ZNF91: variants seen among roughly 807,000 people sequenced by gnomAD.
ZNF91 encodes zinc finger protein 91 (HPF7, HTF10).
In ZNF91, 7 loss-of-function variants were observed where a neutral mutation model predicts 12.6. The ratio of observed to expected loss-of-function variants is 0.55; its 90% confidence interval spans 0.31 to 1.04. ZNF91 has a LOEUF of 1.04. Ranked by LOEUF, ZNF91 falls within the 50% of genes least tolerant of loss-of-function variation. ZNF91 has a pLI of 0.05. For synonymous variants in ZNF91, 453 were observed against 462.6 expected, an observed-to-expected ratio of 0.98 and a Z score of 0.27; for missense variants, 1,217 against 1,385.4, an observed-to-expected ratio of 0.88 and a Z score of 1.93.
At chr19:23,393,470 C>T (rs1411039128) in intron 1 of ZNF91, among the ~76,000 whole-genome samples, 1 of 151,838 alleles carries the variant, frequency 6.6e-6, no homozygotes, top group Non-Finnish European at 1.5e-5. Context: ...AATCTAGGTC[C>T]AAGAAAAAAC....
At chr19:23,393,834 T>C (rs1194544504) in intron 1 of ZNF91, among the ~76,000 whole-genome samples, 1 of 152,014 alleles carries the variant, frequency 6.6e-6, no homozygotes, top group Non-Finnish European at 1.5e-5. Context: ...ACCCTGTCTG[T>C]ACTAAAAATA....
At chr19:23,373,684 T>C (rs557571273) in intron 3 of ZNF91, 58 bp downstream of exon 3, 20 of 1,392,738 alleles carry the variant, frequency 1.4e-5, no homozygotes, top group Middle Eastern at 1.8e-4. Context: ...AAAGACCTGC[T>C]TTCTTCTTGA....
intron 3 of ZNF91, among the ~76,000 whole-genome samples, chr19:23,341,887 A>C (rs1296242005): frequency 6.6e-6 from 1 of 152,160 alleles, no homozygotes; most frequent in Non-Finnish European, 1.5e-5. Flanking sequence ...CCCCCAAAAC[A>C]ATGGAAGAGC....
In ZNF91 at chr19:23,361,384, G is replaced by T; in HGVS notation, c.1595C>A (p.Thr532Asn). 6.2e-7 allele frequency: 1 copy of T among 1,613,248 alleles called. No individual in the cohort carries two copies. Among genetic ancestry groups the T allele is most frequent in the East Asian group, 2.2e-5 (1 of 44,782 alleles). Residue 532 changes from threonine to asparagine, a missense_variant, in exon 4 of 4, where the codon ACC (threonine) becomes AAC (asparagine). Coordinates refer to ENST00000300619, the MANE Select transcript of ZNF91 (RefSeq NM_003430.4). Reference protein sequence around the residue: ...ECGKAFRQSLTLNKHKIIHSR... With the variant: ...ECGKAFRQSLNLNKHKIIHSR... ...ATGAATTATCTTATGTTTATTAAGGGTTAAGGATTGTCTAAAAGCTTTGCC... is the reference window on the plus strand; with the variant it reads ...ATGAATTATCTTATGTTTATTAAGGTTTAAGGATTGTCTAAAAGCTTTGCC...
downstream of ZNF91, among the ~76,000 whole-genome samples, chr19:23,355,816 A>T (rs59748859): frequency 4.4e-3 from 671 of 152,340 alleles, 4 homozygotes; most frequent in African/African-American, 0.016. Context: ...GGAAAAAAAC[A>T]ATCGCATCAA....
At chr19:23,385,153 G>A (rs1167583493) in intron 1 of ZNF91, 10 of 716,610 alleles carry the variant, frequency 1.4e-5, no homozygotes, top group East Asian at 5.0e-5. Context: ...TCACCATCCC[G>A]CGTCATGCAA....
chr19:23,319,015 C>G (rs1199185060), intron 1 of ZNF91, among the ~76,000 whole-genome samples: 2 of 152,160 alleles, frequency 1.3e-5, no homozygotes, highest in East Asian at 3.9e-4. Flanking sequence ...ATGTGACTCT[C>G]TTCTTTCTTC....
intron 1 of ZNF91, chr19:23,384,576 A>C: frequency 8.8e-7 from 1 of 1,130,120 alleles, no homozygotes; most frequent in South Asian, 3.2e-5. Context: ...AATAACAAGA[A>C]AGGAAAGAAA....
At chr19:23,375,451 G>C (rs1456261739) in intron 1 of ZNF91, among the ~76,000 whole-genome samples, 2 of 152,122 alleles carry the variant, frequency 1.3e-5, no homozygotes, top group East Asian at 3.9e-4. Context: ...GAGCCACCAT[G>C]CCTGGCCAGT....
At position 23,395,421 on chromosome 19, in the gene ZNF91, G is replaced by A. The variant is rs556459896; in HGVS notation, c.-67C>T. On this transcript the variant is annotated 5_prime_UTR_variant, in exon 1 of 4. Transcript: ENST00000300619. ...ACAGGCTGGGCCTCCTGGAGCAGAGGACACAGAGCAGTGAAGTCGAGACCT... is the reference window on the plus strand; with the variant it reads ...ACAGGCTGGGCCTCCTGGAGCAGAGAACACAGAGCAGTGAAGTCGAGACCT... The A allele has an allele frequency of 1.0e-5, 16 of 1,590,048 alleles. No individual in the cohort carries two copies. The highest frequency in any genetic ancestry group is 1.3e-5 in the Non-Finnish European group (15 of 1,164,676).
chr19:23,310,815 C>T (rs1967457875), upstream of ZNF91, among the ~76,000 whole-genome samples: 1 of 152,166 alleles, frequency 6.6e-6, no homozygotes, highest in Admixed American at 6.5e-5. Flanking sequence ...GTGATGTCTA[C>T]AGGAAGCATT....
At chr19:23,343,999 G>A (rs1288335030) in intron 3 of ZNF91, among the ~76,000 whole-genome samples, 2 of 152,198 alleles carry the variant, frequency 1.3e-5, no homozygotes, top group South Asian at 2.1e-4. Flanking sequence ...CTAACCAAGT[G>A]AATAAAATGG....
intron 1 of ZNF91, chr19:23,385,223 T>TC: frequency 1.7e-6 from 1 of 588,970 alleles, no homozygotes; most frequent in East Asian, 2.8e-5. Flanking sequence ...GGTTCCCTCC[T>TC]CCCCCTGCAG....
intron 1 of ZNF91, among the ~76,000 whole-genome samples, chr19:23,393,418 T>C (rs1166220640): frequency 6.6e-6 from 1 of 152,096 alleles, no homozygotes; most frequent in Non-Finnish European, 1.5e-5. Context: ...CTAGCACACA[T>C]AGCCATGGTG....
intron 1 of ZNF91, among the ~76,000 whole-genome samples, chr19:23,330,416 GTC>G (rs1255027492): frequency 1.3e-5 from 2 of 152,086 alleles, no homozygotes; most frequent in African/African-American, 4.8e-5. Context: ...GGTAATGCTT[GTC>G]TCTGATGTCA....
At chr19:23,330,095 G>A (rs1304773209) in intron 1 of ZNF91, among the ~76,000 whole-genome samples, 1 of 152,130 alleles carries the variant, frequency 6.6e-6, no homozygotes, top group Non-Finnish European at 1.5e-5. Context: ...AGCACTTCTG[G>A]AGGCTGAGGC....
Position 23,374,714 on chromosome 19 carries a change from C to A in ZNF91, c.81G>T (p.Trp27Cys), listed in dbSNP as rs1969438613. 1 of 1,612,882 alleles carries A rather than the reference C, an allele frequency of 6.2e-7. No individual in the cohort carries two copies. The highest frequency in any genetic ancestry group is 1.1e-5 in the South Asian group (1 of 91,050). The change falls in exon 2 of 4, where the codon TGG (tryptophan) becomes TGT (cysteine). Residue 27 changes from tryptophan (W) to cysteine (C), a missense_variant. Transcript: ENST00000300619. The part of the protein sequence containing the change: ...DVAIEFSPEE[W>C]QCLDTAQQNL... ...TCTGCTGTGCAGTGTCCAGACATTG[C>A]CACTCCTCCGGAGAGAATTCTATGG...
chr19:23,366,384 T>G lies in ZNF91; in HGVS notation c.254-3659A>C, dbSNP rs1599731776. On this transcript the variant is annotated intron_variant, in intron 3 of 3. Transcript: ENST00000300619. ...TTTAAAACAGAATAAAAATGGTAAT[T>G]GTAGACACCAAAATCCCATTTTCGA... 2.6e-5 allele frequency among the ~76,000 whole-genome samples: 4 copies of G among 152,324 alleles called. No homozygotes were observed. In the Middle Eastern group the frequency reaches 0.014, roughly 518 times the overall value.
downstream of ZNF91, chr19:23,357,625 A>G (rs557404040): frequency 6.6e-6 from 1 of 152,344 alleles, no homozygotes; most frequent in South Asian, 2.1e-4. Flanking sequence ...ATGTGCTTGC[A>G]GGCAGAGGCC....
Sources: gnomAD v4.1 joint callset for allele counts (sites outside exome capture counted in the v4.1 genomes callset) on GRCh38, gnomAD v4.1.1 for gene constraint, MANE v1.5 for transcripts, NCBI Gene and HGNC (gene_info 2026-07-23, HGNC 2026-07-21) for gene names.